MCF2: variants seen among roughly 807,000 people sequenced by gnomAD.
MCF2 encodes MCF.2 cell line derived transforming sequence, also known as proto-oncogene DBL.
A neutral mutation model predicts 82.5 loss-of-function variants in MCF2; 44 were observed. The ratio of observed to expected loss-of-function variants is 0.53; its 90% confidence interval spans 0.42 to 0.69. MCF2 has a LOEUF of 0.69. Among genes scored for constraint, MCF2 ranks in the 30% least tolerant of loss-of-function variants. The pLI is 0.00. For missense variants in MCF2, 623 were observed against 663.1 expected (o/e 0.94, Z 0.66); for synonymous variants, 217 against 224.9 (o/e 0.96, Z 0.32).
At chrX:139,674,035 T>A (rs1444153577) in intron 1 of MCF2, among the ~76,000 whole-genome samples, 2 of 112,149 alleles carry the variant, frequency 1.8e-5, no homozygotes, top group Admixed American at 1.9e-4. Context: ...GATAGTTAGC[T>A]CTTCTTGTTG....
intron 1 of MCF2, among the ~76,000 whole-genome samples, chrX:139,690,218 C>CA (rs199594919): frequency 0.21 from 23,202 of 110,028 alleles, 1,853 homozygotes; most frequent in South Asian, 0.29. Context: ...AAAGTGTGAA[C>CA]AGATGACACA....
upstream of MCF2, chrX:139,645,666 A>G: frequency 9.8e-7 from 1 of 1,022,934 alleles, no homozygotes; most frequent in East Asian, 3.1e-5. Context: ...TGCCTGAACG[A>G]TAAGAAGAAA....
At chrX:139,683,921 A>AATG (rs1935061782) in intron 1 of MCF2, among the ~76,000 whole-genome samples, 4 of 112,542 alleles carry the variant, frequency 3.6e-5, no homozygotes, top group African/African-American at 1.3e-4. Context: ...TGGATTAGGC[A>AATG]ATGTTTTCTT....
intron 4 of MCF2, among the ~76,000 whole-genome samples, chrX:139,627,261 A>T: frequency 8.9e-6 from 1 of 112,011 alleles, no homozygotes; most frequent in African/African-American, 3.2e-5. Flanking sequence ...AATGAGCTCA[A>T]ATAAAGCAGT....
intron 5 of MCF2, 24 bp downstream of exon 8, chrX:139,626,599 C>G (rs1932766948): frequency 8.4e-7 from 1 of 1,186,675 alleles, no homozygotes; most frequent in Non-Finnish European, 1.1e-6. Flanking sequence ...ATAAGTAACT[C>G]TAAACCAAAA....
chrX:139,691,944 A>C, intron 1 of MCF2: 1 of 1,166,465 alleles, frequency 8.6e-7, no homozygotes, highest in Non-Finnish European at 1.1e-6. Context: ...CAGGAGGCAG[A>C]GGTAGTTCTT....
At chrX:139,689,359 G>A (rs1426379196) in intron 1 of MCF2, among the ~76,000 whole-genome samples, 1 of 111,820 alleles carries the variant, frequency 8.9e-6, no homozygotes, top group South Asian at 3.7e-4. Flanking sequence ...CCATAGTAAG[G>A]GCATCATTCC....
exon 10 of MCF2, chrX:139,614,932 T>G (rs1452118821): frequency 8.3e-7 from 1 of 1,210,302 alleles, no homozygotes; most frequent in Non-Finnish European, 1.1e-6. Context: ...TTTTCAGGTG[T>G]GGGTACCACA....
chrX:139,692,200 G>A (rs1337948714), intron 1 of MCF2: 1 of 847,086 alleles, frequency 1.2e-6, no homozygotes, highest in Admixed American at 2.9e-5. Context: ...CTGGAGAGCC[G>A]GGCAGGGCCG....
intron 8 of MCF2, among the ~76,000 whole-genome samples, chrX:139,616,702 T>C (rs1302579274): frequency 1.8e-5 from 2 of 110,910 alleles, no homozygotes; most frequent in Non-Finnish European, 3.8e-5. Context: ...CAGATACTGC[T>C]GATACACAGC....
intron 16 of MCF2, among the ~76,000 whole-genome samples, chrX:139,598,867 G>T (rs1002215644): frequency 1.3e-4 from 15 of 111,365 alleles, no homozygotes; most frequent in African/African-American, 4.6e-4. Context: ...AGCTCTACAA[G>T]CCAAGGCTCA....
At chrX:139,699,865 G>C (rs770391231) in intron 1 of MCF2, among the ~76,000 whole-genome samples, 1 of 111,878 alleles carries the variant, frequency 8.9e-6, no homozygotes, top group African/African-American at 3.2e-5. Flanking sequence ...TCTAATCTTT[G>C]GATGTGCACA....
intron 3 of MCF2, 43 bp downstream of exon 6, chrX:139,631,352 A>T (rs1438632618): frequency 4.1e-6 from 3 of 732,399 alleles, no homozygotes; most frequent in Non-Finnish European, 4.0e-6. Context: ...AAAGGCTAAC[A>T]TGAAGAACTA....
intron 6 of MCF2, among the ~76,000 whole-genome samples, chrX:139,620,021 GTGTGTGTA>G (rs1274108880): frequency 9.7e-6 from 1 of 102,758 alleles, no homozygotes; most frequent in Non-Finnish European, 2.0e-5. Context: ...GTGTGTGTGT[GTGTGTGTA>G]TATATATATA....
intron 1 of MCF2, among the ~76,000 whole-genome samples, chrX:139,682,643 T>C (rs1935026953): frequency 8.9e-6 from 1 of 112,262 alleles, no homozygotes; most frequent in Non-Finnish European, 1.9e-5. Flanking sequence ...CACACTTGAT[T>C]GACAAATTGT....
At position 139,637,945 on chromosome X, in the gene MCF2, C is replaced by T. The variant is rs1220144909; in HGVS notation, c.51+4523G>A. Among the ~76,000 whole-genome samples the T allele has an allele frequency of 4.5e-5, 5 of 111,104 alleles. No individual in the cohort carries two copies. In the East Asian group the frequency reaches 1.1e-3, roughly 25 times the overall value. On this transcript the variant is annotated intron_variant, in intron 1 of 24. Transcript: ENST00000370576. ...GGTCAAAGTGATGCAGGGGTATAAACCAAGGAATGTGGACGATCTCTGCAA... is the reference window on the plus strand; with the variant it reads ...GGTCAAAGTGATGCAGGGGTATAAATCAAGGAATGTGGACGATCTCTGCAA...
intron 6 of MCF2, 59 bp from the exon 10 acceptor site, chrX:139,619,765 T>C: frequency 1.1e-6 from 1 of 931,077 alleles, no homozygotes; most frequent in Non-Finnish European, 1.4e-6. Flanking sequence ...TATGATCAAG[T>C]TTTATACAAA....
intron 17 of MCF2, among the ~76,000 whole-genome samples, chrX:139,597,870 A>T (rs1930232178): frequency 8.9e-6 from 1 of 111,854 alleles, no homozygotes; most frequent in East Asian, 2.8e-4. Context: ...AAGCCATTAC[A>T]TGTAGGGTTC....
At chrX:139,659,045 T>C (rs1203777896) in intron 1 of MCF2, among the ~76,000 whole-genome samples, 1 of 111,427 alleles carries the variant, frequency 9.0e-6, no homozygotes, top group East Asian at 2.8e-4. Flanking sequence ...ATCCCAGCAC[T>C]TTGGGAGGCC....
Sources: gnomAD v4.1 joint callset for allele counts (sites outside exome capture counted in the v4.1 genomes callset) on GRCh38, gnomAD v4.1.1 for gene constraint, MANE v1.5 for transcripts, NCBI Gene and HGNC (gene_info 2026-07-23, HGNC 2026-07-21) for gene names.